The following FAM76B variants were observed in gnomAD, a reference collection of about 807,000 sequenced individuals.
FAM76B encodes the protein family with sequence similarity 76 member B, also known as protein FAM76B.
Under a neutral mutation model 51.8 loss-of-function variants are expected in FAM76B, and 16 were observed. The ratio of observed to expected loss-of-function variants is 0.31; its 90% CI spans 0.21 to 0.47. The LOEUF (loss-of-function observed/expected upper bound fraction) is 0.47, where lower values mean the gene tolerates loss of function less well. Ranked by LOEUF, FAM76B falls within the 20% of genes least tolerant of loss-of-function variation. The probability of loss-of-function intolerance (pLI) is 1.00; values close to 1 mark genes in which losing one functional copy is unlikely to be tolerated. For missense variants in FAM76B, 342 were observed against 392.6 expected, an observed-to-expected ratio of 0.87 and a Z score of 1.09; for synonymous variants, 166 against 129.5, an observed-to-expected ratio of 1.28 and a Z score of -1.91.
At chr11:95,788,823 G>T in intron 1 of FAM76B, 1 of 1,451,808 alleles carries the variant, frequency 6.9e-7, no homozygotes, top group Non-Finnish European at 9.1e-7. Context: ...CTATTTCAAG[G>T]ATTGGTTAAA....
chr11:95,774,746 A>G (rs2120193532), intron 9 of FAM76B, among the ~76,000 whole-genome samples: 1 of 151,478 alleles, frequency 6.6e-6, no homozygotes, highest in Non-Finnish European at 1.5e-5. Context: ...ATCTCTCAGA[A>G]CAGAGGGCTG....
At chr11:95,786,649 C>T (rs1860604707) in intron 3 of FAM76B, 1 of 161,866 alleles carries the variant, frequency 6.2e-6, no homozygotes, top group Admixed American at 6.3e-5. Flanking sequence ...TCCTAGTTAC[C>T]TTAATGACCA....
intron 1 of FAM76B, 128 bp downstream of exon 1, chr11:95,789,264 A>G: frequency 9.4e-7 from 1 of 1,066,818 alleles, no homozygotes; most frequent in Non-Finnish European, 1.4e-6. Context: ...CCGAGTGGGG[A>G]GGCGAGGGCT....
At chr11:95,782,635 G>A (rs1204050685) in intron 5 of FAM76B, among the ~76,000 whole-genome samples, 2 of 151,924 alleles carry the variant, frequency 1.3e-5, no homozygotes, top group East Asian at 1.9e-4. Context: ...ACAAATTATA[G>A]TATTAAAATA....
At chr11:95,774,882 A>C (rs968297838) in intron 9 of FAM76B, among the ~76,000 whole-genome samples, 1 of 151,230 alleles carries the variant, frequency 6.6e-6, no homozygotes, top group Non-Finnish European at 1.5e-5. Flanking sequence ...AAGACCAGAT[A>C]ATCTGTACCT....
At chr11:95,787,815 G>A (rs1005644655) in intron 2 of FAM76B, 137 bp from the exon 3 acceptor site, 9 of 671,058 alleles carry the variant, frequency 1.3e-5, no homozygotes, top group Non-Finnish European at 2.0e-5. Flanking sequence ...AAATATACAA[G>A]GATATTTTCA....
At position 95,770,120 on chromosome 11, in the gene FAM76B, C is replaced by G. The variant is rs1156884914; in HGVS notation, c.*1441G>C. ...AAATTATTAAGAGAAGCAACTCACTCTATACAGTGTATCTAGCAATACTTT... is the reference window on the plus strand; with the variant it reads ...AAATTATTAAGAGAAGCAACTCACTGTATACAGTGTATCTAGCAATACTTT... On this transcript the variant is annotated 3_prime_UTR_variant, in exon 10 of 10. Coordinates refer to ENST00000358780, the MANE Select transcript of FAM76B (RefSeq NM_144664.5). 2 of 151,500 alleles carry G rather than the reference C, an allele frequency of 1.3e-5. No individual in the cohort carries two copies. The highest frequency in any genetic ancestry group is 4.8e-5 in the African/African-American group (2 of 41,364). 9.4% of individuals were successfully genotyped at this position (151,500 alleles called of 1,614,324 possible).
chr11:95,789,052 G>C, intron 1 of FAM76B: 1 of 1,381,528 alleles, frequency 7.2e-7, no homozygotes, highest in Non-Finnish European at 9.5e-7. Flanking sequence ...GACAGACCAG[G>C]CAGAAAACCG....
chr11:95,776,863 G>A (rs1046304687), intron 8 of FAM76B, among the ~76,000 whole-genome samples: 2 of 150,690 alleles, frequency 1.3e-5, no homozygotes, highest in Non-Finnish European at 3.0e-5. Flanking sequence ...TAATTACCCA[G>A]TATCTAATAA....
intron 8 of FAM76B, among the ~76,000 whole-genome samples, chr11:95,777,319 T>C (rs1416465185): frequency 6.6e-6 from 1 of 151,342 alleles, no homozygotes; most frequent in Non-Finnish European, 1.5e-5. Flanking sequence ...CCATTAGTGT[T>C]GTGATTTTTT....
chr11:95,774,203 G>A (rs952404093), intron 9 of FAM76B, among the ~76,000 whole-genome samples: 10 of 151,356 alleles, frequency 6.6e-5, no homozygotes, highest in South Asian at 2.1e-4. Flanking sequence ...GGAGTGAGAA[G>A]ACAGAGATTT....
At position 95,779,587 on chromosome 11, in the gene FAM76B, C is replaced by G. The variant is rs370555041; in HGVS notation, c.692+20G>C. 3.1e-6 allele frequency: 5 copies of G among 1,590,836 alleles called. No individual in the cohort carries two copies. The highest frequency in any genetic ancestry group is 3.4e-6 in the Non-Finnish European group (4 of 1,168,034). ...TCAACTAAGTTGAATTTTCATAACA[C>G]TAAAAGAATTCATTTTTACCTATCT... is the stretch of plus-strand genomic sequence containing the variant. On this transcript the variant is annotated intron_variant, in intron 7 of 9. Coordinates refer to ENST00000358780, the MANE Select transcript of FAM76B (RefSeq NM_144664.5).
At position 95,770,924 on chromosome 11, in the gene FAM76B, A is replaced by G. The variant is rs543928959; in HGVS notation, c.*637T>C. On this transcript the variant is annotated 3_prime_UTR_variant, in exon 10 of 10. Coordinates refer to ENST00000358780, the MANE Select transcript of FAM76B (RefSeq NM_144664.5). The stretch of plus-strand genomic sequence containing the variant: ...TCTACAGTAGTTTTTACAAAACAGA[A>G]ACACATTTTACCTTAGATACTGTAC... 1 of 151,918 alleles carries G rather than the reference A, an allele frequency of 6.6e-6. No individual in the cohort carries two copies. Among genetic ancestry groups the G allele is most frequent in the East Asian group, 1.9e-4 (1 of 5,180 alleles). The allele number at this position is 151,918 out of a possible 1,614,324, so 9.4% of individuals were successfully genotyped here. A position where few individuals can be genotyped will look rare whatever the true frequency, so the allele number is the denominator to read the frequency against.
chr11:95,782,932 G>C, intron 5 of FAM76B, 133 bp downstream of exon 5: 2 of 1,090,220 alleles, frequency 1.8e-6, no homozygotes, highest in Non-Finnish European at 2.6e-6. Context: ...CACAGCCTTA[G>C]ACACTCAAGA....
intron 9 of FAM76B, 106 bp downstream of exon 9, chr11:95,775,816 C>G: frequency 3.6e-6 from 2 of 559,138 alleles, no homozygotes; most frequent in Non-Finnish European, 5.7e-6. Context: ...TGAAATGCAC[C>G]AACTATGCAC....
In FAM76B at chr11:95,781,387, C is replaced by A. The variant is rs981275815; in HGVS notation, c.564-1461G>T. On this transcript the variant is annotated intron_variant, in intron 5 of 9. Coordinates refer to ENST00000358780, the MANE Select transcript of FAM76B (RefSeq NM_144664.5). The stretch of plus-strand genomic sequence containing the variant: ...AAGTAACTGTTCATCAAATGGTCAA[C>A]AGCCATCAAATAGAAAATAGTGTTT... Among the ~76,000 whole-genome samples, 3 of 152,226 alleles carry A rather than the reference C, an allele frequency of 2.0e-5. No homozygotes were observed. In the South Asian group the frequency reaches 6.2e-4, roughly 32 times the overall value.
rs1233407751 is a variant in FAM76B at position 95,769,394 on chromosome 11, T to C, written c.*2167A>G. The C allele has an allele frequency of 6.6e-6, 1 of 152,290 alleles. No homozygotes were observed. The highest frequency in any genetic ancestry group is 1.5e-5 in the Non-Finnish European group (1 of 67,828). The allele number at this position is 152,290 out of a possible 1,614,324, so 9.4% of individuals were successfully genotyped here. A position where few individuals can be genotyped will look rare whatever the true frequency, so the allele number is the denominator to read the frequency against. ...AGGGTATTTAATTAGGACTAAATAC[T>C]GTGAAGCCCATGAAAGGGTTTTAGC... On this transcript the variant is annotated 3_prime_UTR_variant, in exon 10 of 10. Transcript: ENST00000358780.
In FAM76B at chr11:95,787,713, T is replaced by C. The variant is rs748172670; in HGVS notation, c.153-35A>G. On this transcript the variant is annotated intron_variant, in intron 2 of 9. Transcript: ENST00000358780. ...AAATTGTATATAGATCATGTTTATGTAGCTTTCTAAAGTAATTAGCACAAT... is the reference window on the plus strand; with the variant it reads ...AAATTGTATATAGATCATGTTTATGCAGCTTTCTAAAGTAATTAGCACAAT... The C allele has an allele frequency of 9.1e-6, 14 of 1,532,634 alleles. No homozygotes were observed. The African/African-American group carries it at 1.6e-4, about 18-fold the overall frequency. 94.9% of individuals were successfully genotyped at this position (1,532,634 alleles called of 1,614,324 possible).
Position 95,789,584 on chromosome 11 carries a change from T to G in FAM76B, c.-106A>C. The G allele has an allele frequency of 4.3e-6, 4 of 929,720 alleles. No individual in the cohort carries two copies. Among genetic ancestry groups the G allele is most frequent in the Non-Finnish European group, 6.2e-6 (4 of 641,180 alleles). 57.6% of individuals were successfully genotyped at this position (929,720 alleles called of 1,614,324 possible). A position where few individuals can be genotyped will look rare whatever the true frequency, so the allele number is the denominator to read the frequency against. ...GGCCGCGGGCTCCTCCTCCTCCCCCTCCCCCTGCCTCGCGCCCACCAGGGC... is the reference window on the plus strand; with the variant it reads ...GGCCGCGGGCTCCTCCTCCTCCCCCGCCCCCTGCCTCGCGCCCACCAGGGC... On this transcript the variant is annotated 5_prime_UTR_variant, in exon 1 of 10. Transcript: ENST00000358780.
Sources: gnomAD v4.1 joint callset for allele counts (sites outside exome capture counted in the v4.1 genomes callset) on GRCh38, gnomAD v4.1.1 for gene constraint, MANE v1.5 for transcripts, NCBI Gene and HGNC (gene_info 2026-07-23, HGNC 2026-07-21) for gene names.